The following ATP10A variants were observed in gnomAD, a reference collection of about 807,000 sequenced individuals.
The protein encoded by ATP10A is ATPase phospholipid transporting 10A (putative), also known as phospholipid-transporting ATPase VA.
Under a neutral mutation model 147.8 loss-of-function variants are expected in ATP10A, and 111 were observed. That is an observed-to-expected ratio of 0.75 (90% CI 0.64 to 0.88). ATP10A has a LOEUF of 0.88. Among genes scored for constraint, ATP10A ranks in the 40% least tolerant of loss-of-function variants. The pLI is 0.00. For missense variants in ATP10A, 1,927 were observed against 1,959.0 expected (o/e 0.98, Z 0.31); for synonymous variants, 875 against 841.6 (o/e 1.04, Z -0.69).
chr15:25,717,633 T>C (rs550248697), intron 8 of ATP10A, among the ~76,000 whole-genome samples: 1 of 152,170 alleles, frequency 6.6e-6, no homozygotes, highest in Non-Finnish European at 1.5e-5. Context: ...TAGAAGCACA[T>C]GAGAGAATGA....
At chr15:25,757,886 C>T (rs1888517488) in intron 2 of ATP10A, among the ~76,000 whole-genome samples, 1 of 91,388 alleles carries the variant, frequency 1.1e-5, no homozygotes, top group South Asian at 4.8e-4. Flanking sequence ...CTGCTCCACC[C>T]TAACTCATTC....
Position 25,716,909 on chromosome 15 carries a change from G to A in ATP10A, c.1597C>T (p.Pro533Ser), listed in dbSNP as rs1901855712. 6 of 1,583,102 alleles carry A rather than the reference G, an allele frequency of 3.8e-6. No homozygotes were observed. Among genetic ancestry groups the A allele is most frequent in the Non-Finnish European group, 5.2e-6 (6 of 1,161,984 alleles). The change falls in exon 9 of 21, where the codon CCC (proline) becomes TCC (serine). Residue 533 changes from proline to serine, a missense_variant. Transcript: ENST00000555815. Reference protein sequence around the residue: ...FSSPMEKDITPDPKLLEKVSE... With the variant: ...FSSPMEKDITSDPKLLEKVSE... ...ACCTTCTCCAGCAGCTTTGGGTCGG[G>A]CGTGATATCCTTCTCCTGGGAGAAA...
chr15:25,754,665 A>G (rs1368576499), intron 2 of ATP10A, among the ~76,000 whole-genome samples: 3 of 152,182 alleles, frequency 2.0e-5, no homozygotes, highest in African/African-American at 7.2e-5. Context: ...ATCCGACATA[A>G]AAATTGGATC....
intron 2 of ATP10A, among the ~76,000 whole-genome samples, chr15:25,761,292 A>T (rs1888743475): frequency 6.6e-6 from 1 of 152,194 alleles, no homozygotes; most frequent in Non-Finnish European, 1.5e-5. Flanking sequence ...TTACTGTATG[A>T]GTCTGTTCTC....
chr15:25,677,839 G>C (rs1392918348), downstream of ATP10A: 1 of 152,294 alleles, frequency 6.6e-6, no homozygotes, highest in East Asian at 1.9e-4. Context: ...GTCCCAGTCA[G>C]CACGTTCCCC....
intron 15 of ATP10A, chr15:25,688,131 C>A: frequency 2.5e-6 from 1 of 401,208 alleles, no homozygotes; most frequent in African/African-American, 2.0e-5. Flanking sequence ...GTTTTCTCAA[C>A]AAATGAAAAC....
intron 1 of ATP10A, among the ~76,000 whole-genome samples, chr15:25,829,503 A>G (rs1442623303): frequency 1.3e-5 from 2 of 152,246 alleles, no homozygotes; most frequent in African/African-American, 4.8e-5. Flanking sequence ...GCCGCCACAC[A>G]GAAAACAAAG....
intron 2 of ATP10A, among the ~76,000 whole-genome samples, chr15:25,769,359 C>T (rs1374775565): frequency 3.3e-5 from 5 of 151,452 alleles, no homozygotes; most frequent in African/African-American, 7.3e-5. Context: ...TGGTGGCGGG[C>T]GTCTGTAATC....
In ATP10A at chr15:25,856,774, A is replaced by C. The variant is rs115032713; in HGVS notation, c.449+5874T>G. 7.3e-3 allele frequency among the ~76,000 whole-genome samples: 1,117 copies of C among 152,238 alleles called. 18 individuals are homozygous for C. The highest frequency in any genetic ancestry group is 0.026 in the African/African-American group (1,068 of 41,546). On this transcript the variant is annotated intron_variant, in intron 1 of 20. Coordinates refer to ENST00000555815, the MANE Select transcript of ATP10A (RefSeq NM_024490.4). ...AGACCAAAACAACGACAACAACAACAACAACAACAAAAATTCAAACCTGAG... is the reference window on the plus strand; with the variant it reads ...AGACCAAAACAACGACAACAACAACCACAACAACAAAAATTCAAACCTGAG...
chr15:25,787,726 G>A (rs1890236179), intron 1 of ATP10A, among the ~76,000 whole-genome samples: 1 of 152,134 alleles, frequency 6.6e-6, no homozygotes, highest in African/African-American at 2.4e-5. Context: ...GAGTAACACA[G>A]TTCAGTCCAT....
chr15:25,787,940 C>G (rs1357017576), intron 1 of ATP10A, among the ~76,000 whole-genome samples: 1 of 152,178 alleles, frequency 6.6e-6, no homozygotes, highest in Non-Finnish European at 1.5e-5. Flanking sequence ...TGCCCTCCCC[C>G]AGGATCACCT....
chr15:25,835,535 T>C (rs1457936669), intron 1 of ATP10A, among the ~76,000 whole-genome samples: 1 of 152,178 alleles, frequency 6.6e-6, no homozygotes, highest in African/African-American at 2.4e-5. Context: ...CCAATTGTCC[T>C]GAACAGGGTC....
At chr15:25,858,287 A>G (rs759962782) in intron 1 of ATP10A, among the ~76,000 whole-genome samples, 12 of 152,138 alleles carry the variant, frequency 7.9e-5, no homozygotes, top group African/African-American at 1.2e-4. Context: ...TACCCAAATG[A>G]CAGAGATGCT....
At chr15:25,803,267 T>C (rs1040799769) in intron 1 of ATP10A, among the ~76,000 whole-genome samples, 1 of 152,202 alleles carries the variant, frequency 6.6e-6, no homozygotes, top group Non-Finnish European at 1.5e-5. Flanking sequence ...GAATGATGCT[T>C]CGCCCACTGG....
chr15:25,772,371 A>C (rs1229311472), intron 2 of ATP10A, among the ~76,000 whole-genome samples: 1 of 152,062 alleles, frequency 6.6e-6, no homozygotes, highest in Non-Finnish European at 1.5e-5. Context: ...TTTGCACCCA[A>C]AACCTTTCCC....
At chr15:25,770,070 TGCAGTTTAAGCC>T (rs1409481348) in intron 2 of ATP10A, among the ~76,000 whole-genome samples, 6 of 152,194 alleles carry the variant, frequency 3.9e-5, no homozygotes, top group Admixed American at 1.3e-4. Flanking sequence ...AATAAATTTC[TGCAGTTTAAGCC>T]GCCCAATTCA....
At chr15:25,803,921 CAT>C (rs1250840348) in intron 1 of ATP10A, among the ~76,000 whole-genome samples, 1 of 152,188 alleles carries the variant, frequency 6.6e-6, no homozygotes, top group African/African-American at 2.4e-5. Context: ...CCCCAAGACA[CAT>C]GTGTGTGAGG....
rs28842301 is a variant in ATP10A at position 25,840,363 on chromosome 15, T to C, written c.449+22285A>G. Among the ~76,000 whole-genome samples, 938 of 152,280 alleles carry C rather than the reference T, an allele frequency of 6.2e-3. 12 individuals are homozygous for C. Among genetic ancestry groups the C allele is most frequent in the African/African-American group, 0.021 (890 of 41,556 alleles). On this transcript the variant is annotated intron_variant, in intron 1 of 20. Coordinates refer to ENST00000555815, the MANE Select transcript of ATP10A (RefSeq NM_024490.4). ...TCTCCTCTCACCCTCCACCCTCAGGTAGACTCCAGTGTCTGTTGTTCCCTT... is the reference window on the plus strand; with the variant it reads ...TCTCCTCTCACCCTCCACCCTCAGGCAGACTCCAGTGTCTGTTGTTCCCTT...
intron 2 of ATP10A, among the ~76,000 whole-genome samples, chr15:25,768,892 G>A (rs1443330260): frequency 1.3e-5 from 2 of 151,902 alleles, no homozygotes; most frequent in Non-Finnish European, 2.9e-5. Context: ...TAAACAAGCA[G>A]GGAACAGGAA....
Sources: gnomAD v4.1 joint callset for allele counts (sites outside exome capture counted in the v4.1 genomes callset) on GRCh38, gnomAD v4.1.1 for gene constraint, MANE v1.5 for transcripts, NCBI Gene and HGNC (gene_info 2026-07-23, HGNC 2026-07-21) for gene names.